The following LRRIQ1 variants were observed in gnomAD, a reference collection of about 807,000 sequenced individuals.
LRRIQ1 encodes the protein leucine rich repeats and IQ motif containing 1.
LRRIQ1 carries 210 observed loss-of-function variants against 211.9 expected under a neutral mutation model. The observed-to-expected ratio is 0.99, with a 90% CI of 0.89 to 1.11. The LOEUF (loss-of-function observed/expected upper bound fraction) is 1.11, where lower values mean the gene tolerates loss of function less well. LRRIQ1 is among the 50% of genes most tolerant of loss of function. The pLI, the probability that LRRIQ1 is intolerant of heterozygous loss-of-function variation, is 0.00. For missense variants in LRRIQ1, 2,136 were observed against 1,939.5 expected, an observed-to-expected ratio of 1.10 and a Z score of -1.90; for synonymous variants, 699 against 650.1, an observed-to-expected ratio of 1.08 and a Z score of -1.14.
At chr12:85,132,659 A>G (rs1244371532) in intron 18 of LRRIQ1, among the ~76,000 whole-genome samples, 2 of 152,018 alleles carry the variant, frequency 1.3e-5, no homozygotes, top group African/African-American at 4.8e-5. Flanking sequence ...GCTACTCAGG[A>G]GGTTGTGGTA....
intron 24 of LRRIQ1, among the ~76,000 whole-genome samples, chr12:85,193,201 G>A: frequency 7.7e-6 from 1 of 129,362 alleles, no homozygotes; most frequent in Non-Finnish European, 1.6e-5. Flanking sequence ...TCTGATTGGT[G>A]TACCTGAAAG....
At chr12:85,216,727 A>G (rs1476907550) in intron 24 of LRRIQ1, among the ~76,000 whole-genome samples, 1 of 151,978 alleles carries the variant, frequency 6.6e-6, no homozygotes, top group Non-Finnish European at 1.5e-5. Flanking sequence ...CCAATAGAAT[A>G]TGAGTAGACA....
intron 23 of LRRIQ1, among the ~76,000 whole-genome samples, chr12:85,158,861 G>T (rs1890705457): frequency 8.5e-6 from 1 of 117,396 alleles, no homozygotes; most frequent in African/African-American, 4.9e-5. Context: ...TTATCCCTTG[G>T]CTTTTTTTTT....
intron 23 of LRRIQ1, among the ~76,000 whole-genome samples, chr12:85,156,587 C>A (rs1167108042): frequency 6.6e-6 from 1 of 151,768 alleles, no homozygotes; most frequent in Non-Finnish European, 1.5e-5. Flanking sequence ...AACTTACTTG[C>A]ATCTGTCTCA....
Position 85,104,375 on chromosome 12 carries a change from A to G in LRRIQ1, c.3283+298A>G, listed in dbSNP as rs184421718. 3.1e-4 allele frequency among the ~76,000 whole-genome samples: 47 copies of G among 151,992 alleles called. 1 individual carries two copies. In the East Asian group the frequency reaches 7.1e-3, roughly 23 times the overall value. ...AGATGAGCAAACAGTATACCTTTCT[A>G]ACAGGTATAGAGTAGTCACTCATTA... is the stretch of plus-strand genomic sequence containing the variant. On this transcript the variant is annotated intron_variant, in intron 14 of 26. Coordinates refer to ENST00000393217, the MANE Select transcript of LRRIQ1 (RefSeq NM_001079910.2).
downstream of LRRIQ1, among the ~76,000 whole-genome samples, chr12:85,264,839 C>T (rs1395155328): frequency 6.6e-6 from 1 of 152,178 alleles, no homozygotes; most frequent in East Asian, 1.9e-4. Flanking sequence ...CTCCTGTGCT[C>T]TATATCCTAT....
chr12:85,117,171 T>A (rs1177808071), intron 15 of LRRIQ1, among the ~76,000 whole-genome samples: 2 of 152,024 alleles, frequency 1.3e-5, no homozygotes, highest in African/African-American at 4.8e-5. Context: ...ATATAGAGAG[T>A]GAATAAGAAG....
At chr12:85,110,857 G>A (rs1025203019) in intron 15 of LRRIQ1, among the ~76,000 whole-genome samples, 1 of 152,076 alleles carries the variant, frequency 6.6e-6, no homozygotes, top group African/African-American at 2.4e-5. Flanking sequence ...GGAAGGAGAT[G>A]AGAAATCAAG....
chr12:85,214,446 CTTA>C (rs1893981361), intron 24 of LRRIQ1, among the ~76,000 whole-genome samples: 1 of 152,064 alleles, frequency 6.6e-6, no homozygotes, highest in South Asian at 2.1e-4. Flanking sequence ...AACACCACAA[CTTA>C]TTATAAAACT....
At chr12:85,038,095 C>A in intron 1 of LRRIQ1, 58 bp from the exon 2 acceptor site, 1 of 1,176,426 alleles carries the variant, frequency 8.5e-7, no homozygotes, top group South Asian at 3.0e-5. Context: ...ATTGGTATGA[C>A]AAATTAGAGA....
In LRRIQ1 at chr12:85,151,435, A is replaced by T. The variant is rs1477100684; in HGVS notation, c.4330-845A>T. 2.6e-5 allele frequency among the ~76,000 whole-genome samples: 4 copies of T among 151,830 alleles called. No homozygotes were observed. In the South Asian group the frequency reaches 8.3e-4, roughly 31 times the overall value. ...GAATAAATTATTCTAGTTTTAAATC[A>T]TAAAATGTTTGATTATTTTACAACC... is the stretch of plus-strand genomic sequence containing the variant. On this transcript the variant is annotated intron_variant, in intron 19 of 26. Transcript: ENST00000393217.
intron 24 of LRRIQ1, among the ~76,000 whole-genome samples, chr12:85,207,100 G>A (rs1893597129): frequency 6.6e-6 from 1 of 152,144 alleles, no homozygotes. Context: ...GGATTCCAGA[G>A]GTCTTACGGC....
intron 24 of LRRIQ1, among the ~76,000 whole-genome samples, chr12:85,220,877 G>A (rs1281822093): frequency 6.8e-6 from 1 of 146,984 alleles, no homozygotes; most frequent in Admixed American, 7.1e-5. Context: ...GCGTGATCCT[G>A]GCTCATTGCA....
At chr12:85,100,504 T>C (rs359988) in intron 13 of LRRIQ1, among the ~76,000 whole-genome samples, 2,567 of 151,854 alleles carry the variant, frequency 0.017, 66 homozygotes, top group African/African-American at 0.057. Flanking sequence ...TGGGGTTTGC[T>C]ATTTGGGGGA....
chr12:85,095,130 A>G (rs1212747059), intron 11 of LRRIQ1, among the ~76,000 whole-genome samples: 1 of 152,076 alleles, frequency 6.6e-6, no homozygotes, highest in Non-Finnish European at 1.5e-5. Flanking sequence ...GATTGCTCTG[A>G]CTAGAACTTC....
chr12:85,195,669 C>T (rs563546795), intron 24 of LRRIQ1, among the ~76,000 whole-genome samples: 8,604 of 150,964 alleles, frequency 0.057, 812 homozygotes, highest in African/African-American at 0.2. Flanking sequence ...ATTGATGGGA[C>T]GTATTTCAAA....
At chr12:85,270,681 A>C in the LRRIQ1 span, among the ~76,000 whole-genome samples, 2 of 152,058 alleles carry the variant, frequency 1.3e-5, no homozygotes, top group Non-Finnish European at 2.9e-5. Context: ...TAAAATATAT[A>C]ACAACAACAA....
chr12:85,083,797 T>C (rs1884542821), intron 11 of LRRIQ1, among the ~76,000 whole-genome samples: 1 of 152,194 alleles, frequency 6.6e-6, no homozygotes, highest in Non-Finnish European at 1.5e-5. Context: ...TACTGTAAAA[T>C]GATAAAGCAG....
chr12:85,136,873 G>A (rs1345547473), intron 18 of LRRIQ1, among the ~76,000 whole-genome samples: 1 of 151,674 alleles, frequency 6.6e-6, no homozygotes, highest in Admixed American at 6.6e-5. Flanking sequence ...TTATTCCACA[G>A]CATGAAACAT....
Sources: allele counts gnomAD v4.1 joint callset (sites outside exome capture counted in the v4.1 genomes callset), GRCh38; gene constraint gnomAD v4.1.1; transcripts MANE v1.5; gene names NCBI Gene and HGNC (gene_info 2026-07-23, HGNC 2026-07-21).